Variants in PSG4 observed in about 807,000 individuals in gnomAD.
The protein encoded by PSG4 is pregnancy specific beta-1-glycoprotein 4.
PSG4 carries 61 observed loss-of-function variants against 44.3 expected under a neutral mutation model. The ratio of observed to expected loss-of-function variants is 1.38; its 90% CI spans 1.12 to 1.70. PSG4 has a LOEUF of 1.70. PSG4 is among the 40% of genes most tolerant of loss of function. The pLI is 0.00. For synonymous variants in PSG4, 248 were observed against 191.3 expected (o/e 1.30, Z -2.45); for missense variants, 677 against 511.7 (o/e 1.32, Z -3.12).
At position 43,192,902 on chromosome 19, in the gene PSG4, T is replaced by C. The variant is rs1967077560; in HGVS notation, c.*470A>G. 5.7e-6 allele frequency: 2 copies of C among 349,522 alleles called. No individual in the cohort carries two copies. The highest frequency in any genetic ancestry group is 5.6e-5 in the South Asian group (1 of 17,952). 21.7% of individuals were successfully genotyped at this position (349,522 alleles called of 1,614,324 possible). A position where few individuals can be genotyped will look rare whatever the true frequency, so the allele number is the denominator to read the frequency against. Reference sequence around the variant, plus strand: ...GCAATATCTCTGTGTTCATTTCTATTGGGAGCCCTGTATGCAAGATGGAGA... The same window carrying C: ...GCAATATCTCTGTGTTCATTTCTATCGGGAGCCCTGTATGCAAGATGGAGA... On this transcript the variant is annotated 3_prime_UTR_variant, in exon 6 of 6. Transcript: ENST00000405312.
chr19:43,194,506 G>A lies in PSG4; in HGVS notation c.1077C>T (p.Asn359=), dbSNP rs775287814. The change falls in exon 5 of 6, where the codon AAC becomes AAT. Residue 359 remains asparagine, a synonymous_variant. Transcript: ENST00000405312. ...TTGTCCAAGAATATTGTGCCCGTGGGTTAGACTCGGCGAAGCAGGACAAGT... is the reference window on the plus strand; with the variant it reads ...TTGTCCAAGAATATTGTGCCCGTGGATTAGACTCGGCGAAGCAGGACAAGT... The part of the protein sequence containing the change: ...NLYLSCFAES[N]PRAQYSWTIN... The A allele has an allele frequency of 1.8e-5, 29 of 1,612,554 alleles. No homozygotes were observed. In the East Asian group the frequency reaches 6.2e-4, roughly 35 times the overall value.
chr19:43,198,342 A>G lies in PSG4; in HGVS notation c.431-67T>C, dbSNP rs568862956. The G allele has an allele frequency of 1.3e-4, 193 of 1,531,482 alleles. 17 individuals are homozygous for G. The Middle Eastern group carries it at 2.0e-3, about 16-fold the overall frequency. The allele number at this position is 1,531,482 out of a possible 1,614,324, so 94.9% of individuals were successfully genotyped here. A position where few individuals can be genotyped will look rare whatever the true frequency, so the allele number is the denominator to read the frequency against. ...TTGATTCTTCCAAAGGCATTTTTCAATCAGAGTTGGCATTTCCCACCTCTC... is the reference window on the plus strand; with the variant it reads ...TTGATTCTTCCAAAGGCATTTTTCAGTCAGAGTTGGCATTTCCCACCTCTC... On this transcript the variant is annotated intron_variant, in intron 2 of 5. Transcript: ENST00000405312.
At position 43,199,875 on chromosome 19, in the gene PSG4, T is replaced by C. The variant is rs1482414167; in HGVS notation, c.431-1600A>G. 4.8e-5 allele frequency among the ~76,000 whole-genome samples: 7 copies of C among 145,392 alleles called. 1 individual carries two copies. Among genetic ancestry groups the C allele is most frequent in the African/African-American group, 1.3e-4 (5 of 37,854 alleles). On this transcript the variant is annotated intron_variant, in intron 2 of 5. Transcript: ENST00000405312. ...GAATTCCAGCAGGATCACATTATGC[T>C]CAAAGAAAGATGCCAAAGGTGATTG...
At chr19:43,196,215 G>A (rs1404478264) in intron 3 of PSG4, among the ~76,000 whole-genome samples, 2 of 151,560 alleles carry the variant, frequency 1.3e-5, no homozygotes, top group Non-Finnish European at 2.9e-5. Flanking sequence ...TTCTTTCATT[G>A]GACATTCTAC....
chr19:43,194,581 G>A lies in PSG4; in HGVS notation c.1002C>T (p.Leu334=), dbSNP rs1453434532. ...AGGTGAATGAAGGGTAAATGCTGGGGAGGTCTGGACCATCTGGCGCAAAGA... is the reference window on the plus strand; with the variant it reads ...AGGTGAATGAAGGGTAAATGCTGGGAAGGTCTGGACCATCTGGCGCAAAGA... ...VTLNVLYGPD[L]PSIYPSFTYY... The change falls in exon 5 of 6, where the codon CTC becomes CTT. Residue 334 remains leucine, a synonymous_variant. Coordinates refer to ENST00000405312, the MANE Select transcript of PSG4 (RefSeq NM_002780.5). The A allele has an allele frequency of 6.2e-7, 1 of 1,611,466 alleles. No homozygotes were observed. Among genetic ancestry groups the A allele is most frequent in the Admixed American group, 1.7e-5 (1 of 59,862 alleles).
Position 43,198,245 on chromosome 19 carries a change from C to T in PSG4, c.461G>A (p.Ser154Asn). 1.3e-6 allele frequency: 2 copies of T among 1,587,106 alleles called. No homozygotes were observed. The highest frequency in any genetic ancestry group is 1.4e-5 in the African/African-American group (1 of 69,414). The part of the protein sequence containing the change: ...LETPKPSISS[S>N]NLNPREAMEA... ...CATGGCCTCCCTGGGATTTAAGTTG[C>T]TGCTGGAGATGGAGGGCTTGGGAGT... The change falls in exon 3 of 6, where the codon AGC (serine) becomes AAC (asparagine). Residue 154 changes from serine to asparagine, a missense_variant. Ser to Asn is a conservative substitution (Grantham distance 46). Coordinates refer to ENST00000405312, the MANE Select transcript of PSG4 (RefSeq NM_002780.5).
chr19:43,205,547 G>A lies in PSG4; in HGVS notation c.-11C>T. On this transcript the variant is annotated 5_prime_UTR_variant, in exon 1 of 6. Transcript: ENST00000405312. ...TGAGAGGGGCCCCATGGTCTCTGCT[G>A]CTTGTGTGTTCTCCTCTGTGGAGAT... 6 of 1,546,106 alleles carry A rather than the reference G, an allele frequency of 3.9e-6. No individual in the cohort carries two copies. Among genetic ancestry groups the A allele is most frequent in the Non-Finnish European group, 5.2e-6 (6 of 1,145,636 alleles).
rs76519731 is a variant in PSG4 at position 43,204,517 on chromosome 19, C to T, written c.65-266G>A. 55 of 447,320 alleles carry T rather than the reference C, an allele frequency of 1.2e-4. 4 individuals carry two copies. In the East Asian group the frequency reaches 1.4e-3, roughly 11 times the overall value. The allele number at this position is 447,320 out of a possible 1,614,324, so 27.7% of individuals were successfully genotyped here. ...GATTCCTCTTCCCCAGGGGTCCGCA[C>T]GGCCCCCTCCACACTGCCCTCAGGT... On this transcript the variant is annotated intron_variant, in intron 1 of 5. Coordinates refer to ENST00000405312, the MANE Select transcript of PSG4 (RefSeq NM_002780.5).
chr19:43,203,785 A>G, intron 2 of PSG4, 101 bp downstream of exon 2: 1 of 1,523,242 alleles, frequency 6.6e-7, no homozygotes, highest in Non-Finnish European at 8.8e-7. Context: ...GACTTAATGC[A>G]GAGAGGGACA....
Position 43,195,811 on chromosome 19 carries a change from G to C in PSG4, c.710-538C>G, listed in dbSNP as rs1967220907. On this transcript the variant is annotated intron_variant, in intron 3 of 5. Transcript: ENST00000405312. ...AGCAGAAATAACACAGGAGAGACCA[G>C]AGTCAAGCCTGGAGGTCAGTTCAGT... Among the ~76,000 whole-genome samples the C allele has an allele frequency of 2.0e-5, 3 of 150,172 alleles. No individual in the cohort carries two copies. The South Asian group carries it at 6.3e-4, about 32-fold the overall frequency.
At position 43,204,268 on chromosome 19, in the gene PSG4, G is replaced by A. The variant is rs771262022; in HGVS notation, c.65-17C>T. On this transcript the variant is annotated splice_polypyrimidine_tract_variant and intron_variant, in intron 1 of 5. Transcript: ENST00000405312. ...AAAGTGATGCTAGGAGGTACAGAGAGCATCAGTTAATATTGAGACCTATGT... is the reference window on the plus strand; with the variant it reads ...AAAGTGATGCTAGGAGGTACAGAGAACATCAGTTAATATTGAGACCTATGT... 4.5e-6 allele frequency: 7 copies of A among 1,554,146 alleles called. 1 individual carries two copies. In the Admixed American group the frequency reaches 7.3e-5, roughly 16 times the overall value.
rs1054805524 is a variant in PSG4 at position 43,204,518 on chromosome 19, G to A, written c.65-267C>T. The A allele has an allele frequency of 6.7e-5, 30 of 446,424 alleles. 3 individuals carry two copies. Among genetic ancestry groups the A allele is most frequent in the Admixed American group, 4.4e-4 (11 of 25,142 alleles). The allele number at this position is 446,424 out of a possible 1,614,324, so 27.7% of individuals were successfully genotyped here. ...ATTCCTCTTCCCCAGGGGTCCGCACGGCCCCCTCCACACTGCCCTCAGGTC... is the reference window on the plus strand; with the variant it reads ...ATTCCTCTTCCCCAGGGGTCCGCACAGCCCCCTCCACACTGCCCTCAGGTC... On this transcript the variant is annotated intron_variant, in intron 1 of 5. Coordinates refer to ENST00000405312, the MANE Select transcript of PSG4 (RefSeq NM_002780.5).
In PSG4 at chr19:43,203,739, G is replaced by C; in HGVS notation, c.430+147C>G. On this transcript the variant is annotated intron_variant, in intron 2 of 5. Coordinates refer to ENST00000405312, the MANE Select transcript of PSG4 (RefSeq NM_002780.5). ...TGATCTGTTGAAATTTGTCTCCTCT[G>C]TGTGTCCTGCACTAAATGCCCAAAC... 2.2e-6 allele frequency: 3 copies of C among 1,368,708 alleles called. 1 individual carries two copies. The highest frequency in any genetic ancestry group is 4.3e-5 in the Admixed American group (2 of 46,526). The allele number at this position is 1,368,708 out of a possible 1,614,324, so 84.8% of individuals were successfully genotyped here. A position where few individuals can be genotyped will look rare whatever the true frequency, so the allele number is the denominator to read the frequency against.
In PSG4 at chr19:43,201,833, G is replaced by A. The variant is rs563787705; in HGVS notation, c.430+2053C>T. Among the ~76,000 whole-genome samples the A allele has an allele frequency of 3.0e-4, 43 of 144,750 alleles. 2 individuals are homozygous for A. The highest frequency in any genetic ancestry group is 3.0e-5 in the Non-Finnish European group (2 of 67,040). 95.0% of individuals were successfully genotyped at this position (144,750 alleles called of 152,430 possible). On this transcript the variant is annotated intron_variant, in intron 2 of 5. Coordinates refer to ENST00000405312, the MANE Select transcript of PSG4 (RefSeq NM_002780.5). ...TTTCAATAATTTTGTGTGTGTGTGT[G>A]TGTGTGTGCAGAAGGCCAGAAGAAC...
chr19:43,201,976 T>G (rs1220402825), intron 2 of PSG4, among the ~76,000 whole-genome samples: 1 of 144,306 alleles, frequency 6.9e-6, no homozygotes, highest in Non-Finnish European at 1.5e-5. Flanking sequence ...AAGCTCATTC[T>G]CTTAGTGACC....
rs749762735 is a variant in PSG4, at chr19:43,195,153, C to A, written c.830G>T (p.Gly277Val). Residue 277 changes from glycine to valine, a missense_variant, in exon 4 of 6, where the codon GGT (glycine) becomes GTT (valine). Transcript: ENST00000405312. ...CCTGGGACTGACAGGGAGGCTCTGA[C>A]CATTTAGCCACCAAATGTAGGTGTA... ...KNYTYIWWLN[G>V]QSLPVSPRVK... The A allele has an allele frequency of 1.1e-5, 17 of 1,610,196 alleles. 1 individual carries two copies. The highest frequency in any genetic ancestry group is 1.2e-5 in the Non-Finnish European group (14 of 1,179,016).
At chr19:43,193,522 A>G in intron 5 of PSG4, 134 bp from the exon 6 acceptor site, 1 of 683,266 alleles carries the variant, frequency 1.5e-6, no homozygotes, top group Non-Finnish European at 2.6e-6. Flanking sequence ...TAATTTCAGT[A>G]GAATAAGTTT....
intron 5 of PSG4, chr19:43,193,802 G>A (rs1416603034): frequency 3.7e-6 from 2 of 541,528 alleles, no homozygotes; most frequent in African/African-American, 3.9e-5. Context: ...TATAACCAAT[G>A]ATTTGAAATG....
At chr19:43,197,430 A>C (rs1314026217) in intron 3 of PSG4, among the ~76,000 whole-genome samples, 1 of 145,338 alleles carries the variant, frequency 6.9e-6, no homozygotes, top group Non-Finnish European at 1.5e-5. Flanking sequence ...TATATGTTTT[A>C]GTGATTTGGG....
Sources: gnomAD v4.1 joint callset for allele counts (sites outside exome capture counted in the v4.1 genomes callset) on GRCh38, gnomAD v4.1.1 for gene constraint, MANE v1.5 for transcripts, NCBI Gene and HGNC (gene_info 2026-07-23, HGNC 2026-07-21) for gene names.